Variants in TTC7B observed in about 807,000 individuals in gnomAD.
TTC7B encodes tetratricopeptide repeat domain 7B, also known as tetratricopeptide repeat protein 7B.
Under a neutral mutation model 106.8 loss-of-function variants are expected in TTC7B, and 28 were observed. The observed-to-expected ratio is 0.26, with a 90% CI of 0.19 to 0.36. The LOEUF (loss-of-function observed/expected upper bound fraction) is 0.36. Ranked by LOEUF, TTC7B falls within the 10% of genes least tolerant of loss-of-function variation. The probability of loss-of-function intolerance (pLI) is 1.00; values close to 1 mark genes in which losing one functional copy is unlikely to be tolerated. For synonymous variants in TTC7B, 405 were observed against 430.6 expected (o/e 0.94, Z 0.74); for missense variants, 862 against 1,076.4 (o/e 0.80, Z 2.79).
intron 2 of TTC7B, among the ~76,000 whole-genome samples, chr14:90,784,013 C>T (rs551654803): frequency 1.3e-5 from 2 of 151,984 alleles, no homozygotes; most frequent in East Asian, 3.9e-4. Context: ...CCTATCAGCA[C>T]CTGGTGAAAT....
At chr14:90,589,637 T>C (rs1027903698) in intron 18 of TTC7B, among the ~76,000 whole-genome samples, 4 of 152,216 alleles carry the variant, frequency 2.6e-5, no homozygotes, top group African/African-American at 9.6e-5. Flanking sequence ...TAGGGATACT[T>C]ATTGAAGCAT....
At chr14:90,814,594 A>C (rs2031073963) in intron 1 of TTC7B, among the ~76,000 whole-genome samples, 1 of 152,222 alleles carries the variant, frequency 6.6e-6, no homozygotes, top group Non-Finnish European at 1.5e-5. Flanking sequence ...CAGGAGGCTC[A>C]CAAATAAACC....
At chr14:90,564,766 C>T (rs943272331) in intron 19 of TTC7B, among the ~76,000 whole-genome samples, 1 of 152,040 alleles carries the variant, frequency 6.6e-6, no homozygotes, top group East Asian at 1.9e-4. Flanking sequence ...AAAAAATTAG[C>T]GGGTTGTGGT....
At chr14:90,554,722 G>C (rs994617598) in intron 19 of TTC7B, among the ~76,000 whole-genome samples, 2 of 152,232 alleles carry the variant, frequency 1.3e-5, no homozygotes, top group Non-Finnish European at 2.9e-5. Context: ...GGAGGATGAG[G>C]GAGGACATTT....
chr14:90,678,643 T>C (rs1048586261), intron 8 of TTC7B, among the ~76,000 whole-genome samples: 2 of 152,146 alleles, frequency 1.3e-5, no homozygotes, highest in African/African-American at 2.4e-5. Flanking sequence ...CCTGAAGAGA[T>C]TTTTCTGGCA....
At chr14:90,720,213 T>C (rs951201134) in intron 5 of TTC7B, among the ~76,000 whole-genome samples, 1 of 152,138 alleles carries the variant, frequency 6.6e-6, no homozygotes, top group Non-Finnish European at 1.5e-5. Context: ...CCAATTCATC[T>C]TCAGGTTTCT....
chr14:90,635,300 G>A (rs180963859), intron 15 of TTC7B, among the ~76,000 whole-genome samples: 10 of 151,818 alleles, frequency 6.6e-5, no homozygotes, highest in Admixed American at 2.6e-4. Context: ...AAATATAATC[G>A]ATCTAAAAGA....
At chr14:90,693,977 G>A (rs1236366772) in intron 6 of TTC7B, among the ~76,000 whole-genome samples, 3 of 152,132 alleles carry the variant, frequency 2.0e-5, no homozygotes, top group African/African-American at 7.2e-5. Context: ...CTGATGAATG[G>A]ACAAATAAAA....
At position 90,794,089 on chromosome 14, in the gene TTC7B, G is replaced by T. The variant is rs548284321; in HGVS notation, c.122-7761C>A. Among the ~76,000 whole-genome samples, 271 of 151,616 alleles carry T rather than the reference G, an allele frequency of 1.8e-3. 3 individuals carry two copies. The highest frequency in any genetic ancestry group is 8.7e-4 in the Non-Finnish European group (59 of 67,944). On this transcript the variant is annotated intron_variant, in intron 1 of 19. Coordinates refer to ENST00000328459, the MANE Select transcript of TTC7B (RefSeq NM_001010854.2). ...GGCTAGTTTTTGTATTTTTAGTAGA[G>T]ACAGGGTTTCACCATGTTGGCCAGG...
chr14:90,650,047 G>A (rs1049352368), intron 13 of TTC7B, among the ~76,000 whole-genome samples: 5 of 152,222 alleles, frequency 3.3e-5, no homozygotes, highest in Non-Finnish European at 7.3e-5. Flanking sequence ...ACCCAAGGAT[G>A]TTGTGGCATC....
intron 3 of TTC7B, among the ~76,000 whole-genome samples, chr14:90,747,621 TA>T (rs1316580009): frequency 2.6e-5 from 4 of 152,218 alleles, no homozygotes; most frequent in Non-Finnish European, 5.9e-5. Context: ...GAATGTCATA[TA>T]AATGTCGATT....
chr14:90,563,240 T>G (rs1402773214), intron 19 of TTC7B, among the ~76,000 whole-genome samples: 2 of 152,072 alleles, frequency 1.3e-5, no homozygotes, highest in African/African-American at 4.8e-5. Flanking sequence ...AAGGTAAAGC[T>G]CGAAGGACAC....
intron 5 of TTC7B, among the ~76,000 whole-genome samples, chr14:90,700,399 T>C (rs1161180789): frequency 6.6e-6 from 1 of 152,060 alleles, no homozygotes; most frequent in Non-Finnish European, 1.5e-5. Flanking sequence ...CATTTGAGTT[T>C]ATATCTGTTC....
intron 18 of TTC7B, among the ~76,000 whole-genome samples, chr14:90,583,646 ACT>A (rs1891594960): frequency 9.2e-5 from 14 of 151,962 alleles, no homozygotes; most frequent in Admixed American, 8.5e-4. Context: ...CTGGAAGGTC[ACT>A]CTCTGAAGAG....
At chr14:90,710,916 A>G (rs1202339201) in intron 5 of TTC7B, among the ~76,000 whole-genome samples, 1 of 137,278 alleles carries the variant, frequency 7.3e-6, no homozygotes, top group African/African-American at 2.7e-5. Context: ...CAAACCTACA[A>G]TATCTCTGAG....
intron 9 of TTC7B, chr14:90,675,746 G>A (rs1390881116): frequency 6.6e-6 from 1 of 151,944 alleles, no homozygotes; most frequent in Non-Finnish European, 1.5e-5. Context: ...TGTTGCAATG[G>A]GTATAAATTT....
chr14:90,611,497 T>A (rs1892874270), intron 16 of TTC7B, among the ~76,000 whole-genome samples: 1 of 152,136 alleles, frequency 6.6e-6, no homozygotes, highest in South Asian at 2.1e-4. Context: ...TTGTGCTACA[T>A]CGTGTGGTTA....
At chr14:90,685,231 G>C (rs969745083) in intron 7 of TTC7B, among the ~76,000 whole-genome samples, 2 of 152,190 alleles carry the variant, frequency 1.3e-5, no homozygotes, top group Non-Finnish European at 2.9e-5. Context: ...ATAAGAGACT[G>C]TGGAGAAGGA....
chr14:90,736,739 C>T (rs11852046), intron 4 of TTC7B, among the ~76,000 whole-genome samples: 11,911 of 150,968 alleles, frequency 0.079, 497 homozygotes, highest in East Asian at 0.16. Flanking sequence ...AAAAATAGGC[C>T]GGGCATAGTG....
Sources: allele counts gnomAD v4.1 joint callset (sites outside exome capture counted in the v4.1 genomes callset), GRCh38; gene constraint gnomAD v4.1.1; transcripts MANE v1.5; gene names NCBI Gene and HGNC (gene_info 2026-07-23, HGNC 2026-07-21).